Variants in PCDHA3 observed in about 807,000 individuals in gnomAD.
The protein encoded by PCDHA3 is protocadherin alpha 3.
Under a neutral mutation model 62.2 loss-of-function variants are expected in PCDHA3, and 41 were observed. That is an observed-to-expected ratio of 0.66 (90% CI 0.51 to 0.86). PCDHA3 has a LOEUF of 0.86. Among genes scored for constraint, PCDHA3 ranks in the 40% least tolerant of loss-of-function variants. The pLI is 0.00. For synonymous variants in PCDHA3, 640 were observed against 555.4 expected (o/e 1.15, Z -2.14); for missense variants, 1,304 against 1,241.2 (o/e 1.05, Z -0.76).
rs1372096351 is a variant in PCDHA3, at chr5:140,851,273, G to A, written c.2394+47682G>A. 3 of 1,057,916 alleles carry A rather than the reference G, an allele frequency of 2.8e-6. No homozygotes were observed. In the African/African-American group the frequency reaches 5.0e-5, roughly 18 times the overall value. The allele number at this position is 1,057,916 out of a possible 1,614,324, so 65.5% of individuals were successfully genotyped here. On this transcript the variant is annotated intron_variant, in intron 1 of 3. Coordinates refer to ENST00000522353, the MANE Select transcript of PCDHA3 (RefSeq NM_018906.3). ...CATAGTATTTTAGTCTACTTGTATT[G>A]TTTATAAGAAACCCAAGCAAAAATA...
rs1307758444 is a variant in PCDHA3 at position 140,803,470 on chromosome 5, T to A, written c.2273T>A (p.Val758Glu). ...TACTCGCAGCAGAGGCAGCAGAGGGTGTGCTCTGGAGAGGGGTTGCCCAAG... is the reference window on the plus strand; with the variant it reads ...TACTCGCAGCAGAGGCAGCAGAGGGAGTGCTCTGGAGAGGGGTTGCCCAAG... ...WSYSQQRQQR[V>E]CSGEGLPKTD... The change falls in exon 1 of 4, where the codon GTG (valine) becomes GAG (glutamate). Residue 758 changes from valine to glutamate, a missense_variant. Coordinates refer to ENST00000522353, the MANE Select transcript of PCDHA3 (RefSeq NM_018906.3). 6.2e-7 allele frequency: 1 copy of A among 1,613,888 alleles called. No homozygotes were observed. Among genetic ancestry groups the A allele is most frequent in the Admixed American group, 1.7e-5 (1 of 59,996 alleles).
intron 1 of PCDHA3, chr5:140,876,058 C>T (rs781906188): frequency 6.2e-7 from 1 of 1,613,868 alleles, no homozygotes; most frequent in Middle Eastern, 1.6e-4. Context: ...TGAATTAGTT[C>T]TTCGGAAGTT....
intron 1 of PCDHA3, chr5:140,967,964 G>T: frequency 6.2e-7 from 1 of 1,614,210 alleles, no homozygotes. Flanking sequence ...CAACCGGAAA[G>T]TGAGCCTGGG....
chr5:140,876,120 T>C (rs782687154), intron 1 of PCDHA3: 15 of 1,613,844 alleles, frequency 9.3e-6, no homozygotes, highest in East Asian at 6.7e-5. Context: ...TGGTAATCGA[T>C]GGCGGTAAAC....
At position 140,895,475 on chromosome 5, in the gene PCDHA3, G is replaced by A. The variant is rs532993154; in HGVS notation, c.2395-83474G>A. Among the ~76,000 whole-genome samples the A allele has an allele frequency of 2.0e-4, 31 of 152,002 alleles. No individual in the cohort carries two copies. The South Asian group carries it at 5.0e-3, about 24-fold the overall frequency. On this transcript the variant is annotated intron_variant, in intron 1 of 3. Coordinates refer to ENST00000522353, the MANE Select transcript of PCDHA3 (RefSeq NM_018906.3). ...TATTGGTCATTTCTTTATCCTCTTC[G>A]GAGAAATACCTATTCAGAACTTTTG...
intron 1 of PCDHA3, chr5:140,805,184 T>C: frequency 1.3e-6 from 2 of 1,491,856 alleles, no homozygotes; most frequent in Non-Finnish European, 1.8e-6. Flanking sequence ...CTATGCCAAA[T>C]AAATATTGAA....
intron 1 of PCDHA3, chr5:140,841,829 T>G: frequency 6.2e-7 from 1 of 1,613,898 alleles, no homozygotes; most frequent in Non-Finnish European, 8.5e-7. Context: ...CGTGTTAACC[T>G]ACAGGCTTAG....
chr5:140,929,430 A>G, intron 1 of PCDHA3: 1 of 1,490,684 alleles, frequency 6.7e-7, no homozygotes, highest in Non-Finnish European at 9.0e-7. Flanking sequence ...CATCAATTGA[A>G]CTAAACACTC....
intron 1 of PCDHA3, among the ~76,000 whole-genome samples, chr5:140,906,729 G>T (rs1444256364): frequency 1.3e-5 from 2 of 152,184 alleles, no homozygotes; most frequent in Admixed American, 1.3e-4. Flanking sequence ...TGCTGTTGTA[G>T]TTTCCCATTG....
intron 1 of PCDHA3, chr5:140,928,603 C>A: frequency 1.2e-6 from 2 of 1,614,208 alleles, no homozygotes; most frequent in South Asian, 2.2e-5. Flanking sequence ...GGAAATTGTG[C>A]CCCGCTCTGC....
chr5:140,966,953 C>A, intron 1 of PCDHA3: 1 of 1,603,802 alleles, frequency 6.2e-7, no homozygotes. Flanking sequence ...CAACGTGGCT[C>A]GCGCGCTGGG....
rs373922357 is a variant in PCDHA3, at chr5:140,927,079, G to A, written c.2395-51870G>A. ...CTTTCGCTTCCTTTCCAGCCACCGC[G>A]AGCTCTACTTCGGGGTGGATCTACC... On this transcript the variant is annotated intron_variant, in intron 1 of 3. Transcript: ENST00000522353. 2.5e-6 allele frequency: 4 copies of A among 1,610,988 alleles called. No homozygotes were observed. The highest frequency in any genetic ancestry group is 2.5e-6 in the Non-Finnish European group (3 of 1,177,702).
chr5:140,856,253 A>T lies in PCDHA3; in HGVS notation c.2394+52662A>T, dbSNP rs545226629. On this transcript the variant is annotated intron_variant, in intron 1 of 3. Coordinates refer to ENST00000522353, the MANE Select transcript of PCDHA3 (RefSeq NM_018906.3). ...GCGCCTGTTCCGGGTGGCGTCCAAA[A>T]GACACGGGGACCTTCTGGAGGTAAA... The T allele has an allele frequency of 1.3e-6, 2 of 1,598,032 alleles. 1 individual carries two copies. The highest frequency in any genetic ancestry group is 2.7e-5 in the African/African-American group (2 of 74,378).
chr5:141,010,146 C>T lies in PCDHA3; in HGVS notation c.*209C>T. 2 of 1,584,410 alleles carry T rather than the reference C, an allele frequency of 1.3e-6. No homozygotes were observed. Among genetic ancestry groups the T allele is most frequent in the Non-Finnish European group, 1.7e-6 (2 of 1,164,258 alleles). On this transcript the variant is annotated 3_prime_UTR_variant, in exon 4 of 4. Coordinates refer to ENST00000522353, the MANE Select transcript of PCDHA3 (RefSeq NM_018906.3). ...TAAGTCTGGTGTTAACTCTTTCTCTCCACTCTGGCTTGTTTTCAGAACCTA... is the reference window on the plus strand; with the variant it reads ...TAAGTCTGGTGTTAACTCTTTCTCTTCACTCTGGCTTGTTTTCAGAACCTA...
intron 1 of PCDHA3, among the ~76,000 whole-genome samples, chr5:140,975,450 G>T (rs1175028711): frequency 6.6e-6 from 1 of 152,174 alleles, no homozygotes. Context: ...AGGGATCTTG[G>T]GGCCATCTTG....
chr5:140,989,939 C>T (rs533490284), intron 3 of PCDHA3, among the ~76,000 whole-genome samples: 2 of 152,004 alleles, frequency 1.3e-5, no homozygotes, highest in South Asian at 2.1e-4. Flanking sequence ...TGACATTCCA[C>T]GTTTTTCTCG....
In PCDHA3 at chr5:140,801,831, A is replaced by G; in HGVS notation, c.634A>G (p.Ile212Val). ...REDTPKHYLL[I>V]TAIDGGKPEL... is the part of the protein sequence containing the mutation. ...GGACACTCCTAAGCATTATTTACTA[A>G]TAACAGCAATTGATGGTGGGAAACC... is the stretch of plus-strand genomic sequence containing the variant. The change falls in exon 1 of 4, where the codon ATA becomes GTA. Residue 212 changes from isoleucine (I) to valine (V), a missense_variant. Ile to Val is a conservative substitution (Grantham distance 29). Coordinates refer to ENST00000522353, the MANE Select transcript of PCDHA3 (RefSeq NM_018906.3). 2 of 1,614,158 alleles carry G rather than the reference A, an allele frequency of 1.2e-6. No individual in the cohort carries two copies. Among genetic ancestry groups the G allele is most frequent in the Non-Finnish European group, 1.7e-6 (2 of 1,180,046 alleles).
At chr5:140,820,167 G>T (rs1396971476) in intron 1 of PCDHA3, among the ~76,000 whole-genome samples, 1 of 151,812 alleles carries the variant, frequency 6.6e-6, no homozygotes, top group Non-Finnish European at 1.5e-5. Context: ...AAACTATTAG[G>T]CAAATAGTCT....
rs114173550 is a variant in PCDHA3, at chr5:140,996,928, G to T, written c.2543-12699G>T. Among the ~76,000 whole-genome samples the T allele has an allele frequency of 1.8e-3, 279 of 152,148 alleles. 1 individual carries two copies. Among genetic ancestry groups the T allele is most frequent in the Non-Finnish European group, 3.0e-3 (203 of 67,996 alleles). ...GTTGAAGTAAATATTAAAAAATATA[G>T]CATTTTTGCATAGAAATATTTATTT... On this transcript the variant is annotated intron_variant, in intron 3 of 3. Coordinates refer to ENST00000522353, the MANE Select transcript of PCDHA3 (RefSeq NM_018906.3).
Sources: gnomAD v4.1 joint callset for allele counts (sites outside exome capture counted in the v4.1 genomes callset) on GRCh38, gnomAD v4.1.1 for gene constraint, MANE v1.5 for transcripts, NCBI Gene and HGNC (gene_info 2026-07-23, HGNC 2026-07-21) for gene names.